The following NDST1 variants were observed in gnomAD, a reference collection of about 807,000 sequenced individuals.
NDST1 encodes bifunctional heparan sulfate N-deacetylase/N-sulfotransferase 1.
NDST1 carries 35 observed loss-of-function variants against 92.8 expected under a neutral mutation model. That is an observed-to-expected ratio of 0.38 (90% confidence interval 0.29 to 0.50). NDST1 has a LOEUF of 0.50. Among genes scored for constraint, NDST1 ranks in the 20% least tolerant of loss-of-function variants. The pLI, the probability that NDST1 is intolerant of heterozygous loss-of-function variation, is 0.94. For missense variants in NDST1, 822 were observed against 1,182.7 expected (o/e 0.69, Z 4.47); for synonymous variants, 493 against 500.3 (o/e 0.99, Z 0.19).
At chr5:150,507,860 C>T (rs1026923050), upstream of NDST1, among the ~76,000 whole-genome samples, 7 of 152,174 alleles carry the variant, frequency 4.6e-5, no homozygotes, top group East Asian at 1.9e-4. Flanking sequence ...TTTCCTTTCC[C>T]GTGGAAGGCT....
At position 150,551,899 on chromosome 5, in the gene NDST1, G is replaced by A. The variant is rs370272921; in HGVS notation, c.2529+44G>A. On this transcript the variant is annotated intron_variant, in intron 14 of 14. Coordinates refer to ENST00000261797, the MANE Select transcript of NDST1 (RefSeq NM_001543.5). ...ACCTGTAGCACCTGCATAAGGGTAA[G>A]GGGTCCCTGTATGGAGTTGAGGGGG... is the stretch of plus-strand genomic sequence containing the variant. The A allele has an allele frequency of 3.4e-5, 55 of 1,607,132 alleles. No homozygotes were observed. The African/African-American group carries it at 6.2e-4, about 18-fold the overall frequency.
Position 150,527,942 on chromosome 5 carries a change from G to A in NDST1, c.652G>A (p.Gly218Ser). 6.2e-7 allele frequency: 1 copy of A among 1,614,080 alleles called. No homozygotes were observed. The highest frequency in any genetic ancestry group is 1.6e-4 in the Middle Eastern group (1 of 6,062). The change falls in exon 3 of 15, where the codon GGT becomes AGT. Residue 218 changes from glycine to serine, a missense_variant. Transcript: ENST00000261797. Reference sequence around the variant, plus strand: ...GACGCGACCTAGCGAGGTGGAGAAAGGTGTGCTCCCCGGCGAGGACTGGAC... The same window carrying A: ...GACGCGACCTAGCGAGGTGGAGAAAAGTGTGCTCCCCGGCGAGGACTGGAC... ...YVTRPSEVEK[G>S]VLPGEDWTVF...
At chr5:150,524,365 A>G (rs1754375361) in intron 2 of NDST1, among the ~76,000 whole-genome samples, 1 of 152,216 alleles carries the variant, frequency 6.6e-6, no homozygotes, top group African/African-American at 2.4e-5. Flanking sequence ...GCCCTGACCA[A>G]TGTGTGCCCC....
At chr5:150,545,538 G>A in intron 11 of NDST1, 52 bp downstream of exon 11, 1 of 1,600,480 alleles carries the variant, frequency 6.2e-7, no homozygotes, top group Non-Finnish European at 8.6e-7. Flanking sequence ...GGCTCCGTCT[G>A]ACACTCAGTT....
Position 150,553,130 on chromosome 5 carries a change from C to T in NDST1, c.2530-83C>T, listed in dbSNP as rs553121962. 2.2e-4 allele frequency: 331 copies of T among 1,472,020 alleles called. No individual in the cohort carries two copies. The highest frequency in any genetic ancestry group is 3.1e-4 in the Non-Finnish European group (326 of 1,068,068). 91.2% of individuals were successfully genotyped at this position (1,472,020 alleles called of 1,614,324 possible). A position where few individuals can be genotyped will look rare whatever the true frequency, so the allele number is the denominator to read the frequency against. ...TGCTGGGATTACAGGCATGAGCCAC[C>T]GTGCCCGGCCGAGCATGGCGATTTT... On this transcript the variant is annotated intron_variant, in intron 14 of 14. Transcript: ENST00000261797. The surrounding 1 kb of genome is among the most constrained non-coding windows in gnomAD (Gnocchi z 4.2).
intron 13 of NDST1, among the ~76,000 whole-genome samples, chr5:150,550,195 G>GGCTC (rs1476668886): frequency 6.6e-6 from 1 of 151,646 alleles, no homozygotes; most frequent in Non-Finnish European, 1.5e-5. Flanking sequence ...CAACCTCCCA[G>GGCTC]GCTCAAGTGA....
Position 150,532,981 on chromosome 5 carries a change from A to G in NDST1, c.1045A>G (p.Ile349Val). Residue 349 changes from isoleucine (I) to valine (V), a missense_variant, in exon 4 of 15, where the codon ATC (isoleucine) becomes GTC (valine). Physicochemically the swap from Ile to Val is conservative, Grantham distance 29 (BLOSUM62 3). Transcript: ENST00000261797. ...FDTQNELRAH[I>V]PNFTFNLGYS... Reference sequence around the variant, plus strand: ...CACACAGAACGAACTACGCGCACACATCCCAAACTTCACCTTCAACCTGGG... The same window carrying G: ...CACACAGAACGAACTACGCGCACACGTCCCAAACTTCACCTTCAACCTGGG... The G allele has an allele frequency of 6.2e-7, 1 of 1,614,126 alleles. No homozygotes were observed. The highest frequency in any genetic ancestry group is 1.3e-5 in the African/African-American group (1 of 75,026).
chr5:150,518,164 C>T (rs1366564338), intron 1 of NDST1, among the ~76,000 whole-genome samples: 2 of 151,910 alleles, frequency 1.3e-5, no homozygotes, highest in Non-Finnish European at 2.9e-5. Context: ...GTGCCATTTC[C>T]TCTGTCTACC....
At chr5:150,533,497 G>C (rs1754839144) in intron 4 of NDST1, among the ~76,000 whole-genome samples, 1 of 152,118 alleles carries the variant, frequency 6.6e-6, no homozygotes, top group African/African-American at 2.4e-5. Flanking sequence ...GAGGGCTATA[G>C]GTTGCTTGGT....
In NDST1 at chr5:150,540,249, G is replaced by C; in HGVS notation, c.1734G>C (p.Lys578Asn). 1 of 1,608,288 alleles carries C rather than the reference G, an allele frequency of 6.2e-7. No individual in the cohort carries two copies. The highest frequency in any genetic ancestry group is 8.5e-7 in the Non-Finnish European group (1 of 1,175,848). Reference protein sequence around the residue: ...QKYFQIFSEEKDPLWQDPCED... With the variant: ...QKYFQIFSEENDPLWQDPCED... ...ACTTCCAGATCTTCTCCGAGGAGAA[G>C]GACCCGCTCTGGCAGGTGGGGGGCT... Residue 578 changes from lysine to asparagine, a missense_variant, in exon 8 of 15, where the codon AAG becomes AAC. Physicochemically the swap from Lys to Asn is moderately conservative, Grantham distance 94 (BLOSUM62 0). Coordinates refer to ENST00000261797, the MANE Select transcript of NDST1 (RefSeq NM_001543.5).
intron 1 of NDST1, among the ~76,000 whole-genome samples, chr5:150,514,009 T>C (rs1164887957): frequency 6.6e-6 from 1 of 152,222 alleles, no homozygotes; most frequent in South Asian, 2.1e-4. Flanking sequence ...GGACTAGGGC[T>C]AGGGGAGTGC....
chr5:150,539,124 T>C, intron 6 of NDST1, 104 bp from the exon 7 acceptor site: 1 of 942,492 alleles, frequency 1.1e-6, no homozygotes, highest in South Asian at 1.4e-5. Flanking sequence ...ACATGGAGAC[T>C]GCCTTTCTGA....
In NDST1 at chr5:150,539,853, T is replaced by C. The variant is rs569762017; in HGVS notation, c.1567-229T>C. The C allele has an allele frequency of 2.1e-5, 19 of 914,834 alleles. No individual in the cohort carries two copies. In the Middle Eastern group the frequency reaches 3.9e-3, roughly 189 times the overall value. The allele number at this position is 914,834 out of a possible 1,614,324, so 56.7% of individuals were successfully genotyped here. A position where few individuals can be genotyped will look rare whatever the true frequency, so the allele number is the denominator to read the frequency against. On this transcript the variant is annotated intron_variant, in intron 7 of 14. Transcript: ENST00000261797. ...AAATAAAACCCAAATAGCTCCCACATTGGGTCTGCTTTCCATTTCAGGATT... is the reference window on the plus strand; with the variant it reads ...AAATAAAACCCAAATAGCTCCCACACTGGGTCTGCTTTCCATTTCAGGATT...
chr5:150,556,956 G>A lies in NDST1; in HGVS notation c.*3624G>A, dbSNP rs2151310308. 6.5e-6 allele frequency: 1 copy of A among 152,732 alleles called. No individual in the cohort carries two copies. The highest frequency in any genetic ancestry group is 1.9e-4 in the East Asian group (1 of 5,192). 9.5% of individuals were successfully genotyped at this position (152,732 alleles called of 1,614,324 possible). A position where few individuals can be genotyped will look rare whatever the true frequency, so the allele number is the denominator to read the frequency against. ...AATGACATTGTTTTTGAGGCCCTAG[G>A]CCTGCTGTCTTTTTGAAGCCCCACA... is the stretch of plus-strand genomic sequence containing the variant. On this transcript the variant is annotated 3_prime_UTR_variant, in exon 15 of 15. Transcript: ENST00000261797.
At chr5:150,542,809 G>A in intron 9 of NDST1, 39 bp from the exon 10 acceptor site, 1 of 1,613,696 alleles carries the variant, frequency 6.2e-7, no homozygotes. Context: ...TTTGGCTGGG[G>A]GCTGGGCCCT....
rs1292741004 is a variant in NDST1 at position 150,554,231 on chromosome 5, C to T, written c.*899C>T. Reference sequence around the variant, plus strand: ...ACCTGTGGCCGAGGGCTCTCAGAGACCCCCTTAACCTCCCAAATACTAAGA... The same window carrying T: ...ACCTGTGGCCGAGGGCTCTCAGAGATCCCCTTAACCTCCCAAATACTAAGA... On this transcript the variant is annotated 3_prime_UTR_variant, in exon 15 of 15. Coordinates refer to ENST00000261797, the MANE Select transcript of NDST1 (RefSeq NM_001543.5). The T allele has an allele frequency of 2.5e-6, 1 of 397,956 alleles. No homozygotes were observed. The highest frequency in any genetic ancestry group is 3.6e-5 in the East Asian group (1 of 28,014). 24.7% of individuals were successfully genotyped at this position (397,956 alleles called of 1,614,324 possible).
chr5:150,542,081 C>T (rs1446182124), intron 9 of NDST1, among the ~76,000 whole-genome samples: 1 of 152,142 alleles, frequency 6.6e-6, no homozygotes, highest in African/African-American at 2.4e-5. Context: ...TCCATACAAC[C>T]CTGCAAGGCA....
chr5:150,540,944 G>A (rs1482447330), intron 8 of NDST1, among the ~76,000 whole-genome samples: 2 of 152,218 alleles, frequency 1.3e-5, no homozygotes, highest in African/African-American at 4.8e-5. Context: ...GTGGGAAAAG[G>A]GATTGATGGG....
chr5:150,511,270 C>G (rs992892047), intron 1 of NDST1, among the ~76,000 whole-genome samples: 1 of 152,208 alleles, frequency 6.6e-6, no homozygotes, highest in Non-Finnish European at 1.5e-5. Context: ...GGCAAGGGCA[C>G]AAGGCTCTTG....
Sources: gnomAD v4.1 joint callset for allele counts (sites outside exome capture counted in the v4.1 genomes callset) on GRCh38, gnomAD v4.1.1 for gene constraint, Gnocchi (gnomAD v3.1) non-coding constraint, MANE v1.5 for transcripts, NCBI Gene and HGNC (gene_info 2026-07-23, HGNC 2026-07-21) for gene names.